The following FAM107B variants were observed in gnomAD, a reference collection of about 807,000 sequenced individuals.
FAM107B encodes the protein protein FAM107B.
FAM107B carries 21 observed loss-of-function variants against 31.5 expected under a neutral mutation model. The ratio of observed to expected loss-of-function variants is 0.67; its 90% CI spans 0.47 to 0.96. The LOEUF (loss-of-function observed/expected upper bound fraction) is 0.96, where lower values mean the gene tolerates loss of function less well. FAM107B is among the 40% of genes least tolerant of loss of function. The pLI is 0.00. For synonymous variants in FAM107B, 157 were observed against 141.5 expected (o/e 1.11, Z -0.78); for missense variants, 452 against 377.1 (o/e 1.20, Z -1.64).
chr10:14,695,160 T>A (rs2688839), intron 1 of FAM107B, among the ~76,000 whole-genome samples: 14,666 of 152,230 alleles, frequency 0.096, 1,438 homozygotes, highest in African/African-American at 0.25. Flanking sequence ...TTTGTCCCTT[T>A]TGAGTTGATT....
At chr10:14,768,862 C>T (rs1261317345) in intron 1 of FAM107B, among the ~76,000 whole-genome samples, 2 of 152,158 alleles carry the variant, frequency 1.3e-5, no homozygotes, top group East Asian at 1.9e-4. Context: ...TTCTGACTTA[C>T]GCATCAGGCT....
At chr10:14,664,363 C>A (rs1854352515) in intron 2 of FAM107B, among the ~76,000 whole-genome samples, 2 of 152,212 alleles carry the variant, frequency 1.3e-5, no homozygotes, top group Non-Finnish European at 2.9e-5. Flanking sequence ...GGAGTCAAGT[C>A]TGTCGTATTT....
At chr10:14,758,390 C>T (rs1221533337) in intron 1 of FAM107B, among the ~76,000 whole-genome samples, 1 of 152,178 alleles carries the variant, frequency 6.6e-6, no homozygotes, top group African/African-American at 2.4e-5. Context: ...AATCCTCGGT[C>T]TCCATGAAGT....
At chr10:14,595,779 T>C (rs1323088487) in intron 2 of FAM107B, among the ~76,000 whole-genome samples, 1 of 152,126 alleles carries the variant, frequency 6.6e-6, no homozygotes, top group Non-Finnish European at 1.5e-5. Flanking sequence ...AATGGCACCA[T>C]CTTTCACCCA....
intron 1 of FAM107B, among the ~76,000 whole-genome samples, chr10:14,686,134 G>A (rs1473281047): frequency 1.3e-5 from 2 of 152,050 alleles, no homozygotes; most frequent in Admixed American, 6.6e-5. Context: ...TATGCCTGTA[G>A]TCCCAGCACT....
chr10:14,701,904 C>A (rs558813048), intron 1 of FAM107B, among the ~76,000 whole-genome samples: 1 of 152,196 alleles, frequency 6.6e-6, no homozygotes, highest in African/African-American at 2.4e-5. Flanking sequence ...GAAATTTACT[C>A]CTTGGCCAAG....
Position 14,667,847 on chromosome 10 carries a change from TACAAATCA to T in FAM107B, c.412-164_412-157del, listed in dbSNP as rs201996303. Among the ~76,000 whole-genome samples, 587 of 151,670 alleles carry T rather than the reference TACAAATCA, an allele frequency of 3.9e-3. 8 individuals are homozygous for T. The highest frequency in any genetic ancestry group is 0.011 in the African/African-American group (449 of 41,402). Reference sequence around the variant, plus strand: ...AGAACTGAGGTTTTGGACAAGCTACTACAAATCAACAATAAATGCCAAGTAGAGTAGAG... The same window carrying T: ...AGAACTGAGGTTTTGGACAAGCTACTACAATAAATGCCAAGTAGAGTAGAG... On this transcript the variant is annotated intron_variant, in intron 1 of 4. Coordinates refer to ENST00000181796, the MANE Select transcript of FAM107B (RefSeq NM_031453.4).
intron 1 of FAM107B, among the ~76,000 whole-genome samples, chr10:14,739,298 C>A (rs747548781): frequency 6.6e-6 from 1 of 152,136 alleles, no homozygotes; most frequent in Non-Finnish European, 1.5e-5. Flanking sequence ...CCAGGAAGGC[C>A]CCAGCCAACT....
intron 1 of FAM107B, among the ~76,000 whole-genome samples, chr10:14,755,186 C>A (rs955229582): frequency 6.6e-6 from 1 of 152,084 alleles, no homozygotes; most frequent in Admixed American, 6.5e-5. Flanking sequence ...CAACCATGGT[C>A]TAAATGAAAC....
chr10:14,604,810 C>T (rs1243775288), intron 2 of FAM107B, among the ~76,000 whole-genome samples: 3 of 152,002 alleles, frequency 2.0e-5, no homozygotes, highest in African/African-American at 7.2e-5. Context: ...TTTCTCTCTC[C>T]CTTAATCTCT....
intron 1 of FAM107B, among the ~76,000 whole-genome samples, chr10:14,682,329 G>C (rs951543241): frequency 6.6e-6 from 1 of 152,146 alleles, no homozygotes. Context: ...AGGAGTTCAA[G>C]ACCAGCCTGG....
At chr10:14,732,107 G>A (rs1055520141) in intron 1 of FAM107B, among the ~76,000 whole-genome samples, 2 of 152,130 alleles carry the variant, frequency 1.3e-5, no homozygotes, top group African/African-American at 4.8e-5. Context: ...AAGTGCCTCA[G>A]TTTCTATGGT....
At chr10:14,595,417 G>T (rs1852154475) in intron 2 of FAM107B, among the ~76,000 whole-genome samples, 1 of 119,472 alleles carries the variant, frequency 8.4e-6, no homozygotes, top group Admixed American at 1.0e-4. Context: ...TCTTCCTAGG[G>T]CAACCTTTTT....
intron 2 of FAM107B, among the ~76,000 whole-genome samples, chr10:14,641,051 G>C (rs534788384): frequency 6.6e-6 from 1 of 152,290 alleles, no homozygotes; most frequent in Admixed American, 6.5e-5. Flanking sequence ...ATGTTCTTTT[G>C]TCTTACAAAT....
rs532259612 is a variant in FAM107B at position 14,760,606 on chromosome 10, C to T, written c.411+13647G>A. On this transcript the variant is annotated intron_variant, in intron 1 of 4. Coordinates refer to ENST00000181796, the MANE Select transcript of FAM107B (RefSeq NM_031453.4). ...TGCCAAGAAGAGATGTACGTTTTTTCACAATTTTAGCTTTACGATCCATCT... is the reference window on the plus strand; with the variant it reads ...TGCCAAGAAGAGATGTACGTTTTTTTACAATTTTAGCTTTACGATCCATCT... 1.7e-4 allele frequency among the ~76,000 whole-genome samples: 26 copies of T among 149,648 alleles called. No homozygotes were observed. The South Asian group carries it at 4.8e-3, about 27-fold the overall frequency.
At chr10:14,618,992 T>A (rs936798557) in intron 2 of FAM107B, among the ~76,000 whole-genome samples, 1 of 151,916 alleles carries the variant, frequency 6.6e-6, no homozygotes, top group Non-Finnish European at 1.5e-5. Context: ...GGGCAGAGAT[T>A]GGAGTGATGT....
chr10:14,581,195 G>A (rs1851624377), intron 2 of FAM107B, among the ~76,000 whole-genome samples: 1 of 152,174 alleles, frequency 6.6e-6, no homozygotes, highest in South Asian at 2.1e-4. Context: ...GTAAGAGAGC[G>A]TTGCGCGTCA....
At chr10:14,754,214 C>T (rs192279031) in intron 1 of FAM107B, among the ~76,000 whole-genome samples, 1 of 152,340 alleles carries the variant, frequency 6.6e-6, no homozygotes, top group East Asian at 1.9e-4. Context: ...GCTAGGATTA[C>T]AGGCGTGAGC....
At chr10:14,737,993 C>T (rs1856348735) in intron 1 of FAM107B, among the ~76,000 whole-genome samples, 1 of 152,132 alleles carries the variant, frequency 6.6e-6, no homozygotes, top group Admixed American at 6.6e-5. Context: ...ACAGCAGCCG[C>T]TAATGCCACC....
Sources: gnomAD v4.1 joint callset for allele counts (sites outside exome capture counted in the v4.1 genomes callset) on GRCh38, gnomAD v4.1.1 for gene constraint, MANE v1.5 for transcripts, NCBI Gene and HGNC (gene_info 2026-07-23, HGNC 2026-07-21) for gene names.